The following HERC3 variants were observed in gnomAD, a reference collection of about 807,000 sequenced individuals.
HERC3 encodes the protein probable E3 ubiquitin-protein ligase HERC3.
HERC3 carries 58 observed loss-of-function variants against 129.9 expected under a neutral mutation model. That is an observed-to-expected ratio of 0.45 (90% CI 0.36 to 0.56). The LOEUF (loss-of-function observed/expected upper bound fraction) is 0.56. HERC3 is among the 20% of genes least tolerant of loss of function. HERC3 has a pLI of 0.00. For missense variants in HERC3, 835 were observed against 1,244.2 expected, an observed-to-expected ratio of 0.67 and a Z score of 4.95; for synonymous variants, 430 against 451.0, an observed-to-expected ratio of 0.95 and a Z score of 0.59.
chr4:88,706,599 T>G (rs575424921), intron 25 of HERC3, among the ~76,000 whole-genome samples, 153 bp from the exon 26 acceptor site: 1 of 152,144 alleles, frequency 6.6e-6, no homozygotes, highest in Non-Finnish European at 1.5e-5. Context: ...GCATCTAATT[T>G]TCATTCCACA....
chr4:88,690,403 TATGTAGATAC>T (rs1733955106), intron 23 of HERC3: 1 of 985,322 alleles, frequency 1.0e-6, no homozygotes, highest in Non-Finnish European at 1.2e-6. Flanking sequence ...TGTGAGTACG[TATGTAGATAC>T]ATACGTAACC....
chr4:88,568,166 A>C, the HERC3 span, among the ~76,000 whole-genome samples: 1 of 152,216 alleles, frequency 6.6e-6, no homozygotes, highest in Non-Finnish European at 1.5e-5. Context: ...GCGCAGGCTG[A>C]AGCTGAAGTG....
In HERC3 at chr4:88,669,845, T is replaced by C; in HGVS notation, c.1634-15T>C. On this transcript the variant is annotated splice_polypyrimidine_tract_variant and intron_variant, in intron 14 of 25. Transcript: ENST00000402738. ...AGATTACATGTTGAAATATGTCTTTTCTTTCTTTCTAAAGATAACTGGTGG... is the reference window on the plus strand; with the variant it reads ...AGATTACATGTTGAAATATGTCTTTCCTTTCTTTCTAAAGATAACTGGTGG... The C allele has an allele frequency of 3.1e-6, 5 of 1,605,404 alleles. No individual in the cohort carries two copies. Among genetic ancestry groups the C allele is most frequent in the Non-Finnish European group, 4.3e-6 (5 of 1,174,082 alleles).
the HERC3 span, among the ~76,000 whole-genome samples, chr4:88,530,513 T>G: frequency 1.3e-5 from 2 of 152,228 alleles, no homozygotes; most frequent in African/African-American, 4.8e-5. Flanking sequence ...ATAGGTCTTA[T>G]AGCCGTAAGA....
chr4:88,591,460 G>C (rs1000392777), upstream of HERC3, among the ~76,000 whole-genome samples: 3 of 152,156 alleles, frequency 2.0e-5, no homozygotes, highest in Admixed American at 1.3e-4. Context: ...GAGGTGATTT[G>C]AATGTCCTTG....
chr4:88,652,233 A>G, intron 5 of HERC3, 145 bp downstream of exon 5: 2 of 648,122 alleles, frequency 3.1e-6, no homozygotes, highest in South Asian at 1.8e-5. Context: ...CAATTCTCAT[A>G]TGGGCTTTGC....
At chr4:88,672,403 G>C (rs946643202) in intron 16 of HERC3, among the ~76,000 whole-genome samples, 11 of 151,952 alleles carry the variant, frequency 7.2e-5, no homozygotes, top group African/African-American at 2.7e-4. Flanking sequence ...ATTAGTATAT[G>C]GCCTTTTGTG....
At chr4:88,567,329 C>G in the HERC3 span, among the ~76,000 whole-genome samples, 2 of 152,122 alleles carry the variant, frequency 1.3e-5, no homozygotes, top group African/African-American at 4.8e-5. Context: ...ATATCTTTCT[C>G]TAGGTTTGGA....
chr4:88,670,153 G>T lies in HERC3; in HGVS notation c.1812G>T (p.Val604=). 1 of 1,612,698 alleles carries T rather than the reference G, an allele frequency of 6.2e-7. No homozygotes were observed. Among genetic ancestry groups the T allele is most frequent in the African/African-American group, 1.3e-5 (1 of 74,986 alleles). The change falls in exon 16 of 26, where the codon GTG becomes GTT. Residue 604 remains valine, a synonymous_variant. Coordinates refer to ENST00000402738, the MANE Select transcript of HERC3 (RefSeq NM_014606.3). ...LEKLYKVNLK[V]KHVEYDTFYI... ...TTCTTCATTAGGTAAATCTTAAAGT[G>T]AAGCATGTGGAATATGATACATTTT...
At chr4:88,545,433 T>TTC in the HERC3 span, among the ~76,000 whole-genome samples, 1 of 108,970 alleles carries the variant, frequency 9.2e-6, no homozygotes, top group South Asian at 2.8e-4. Context: ...GAGAATTCTT[T>TTC]TTTTTTTTTT....
At chr4:88,701,763 G>GTT (rs1735339847) in intron 23 of HERC3, among the ~76,000 whole-genome samples, 1 of 145,946 alleles carries the variant, frequency 6.9e-6, no homozygotes, top group African/African-American at 2.5e-5. Context: ...TTTTTTTTAT[G>GTT]TTTTTATACT....
chr4:88,691,611 A>G (rs910003986), intron 23 of HERC3, among the ~76,000 whole-genome samples: 5 of 152,178 alleles, frequency 3.3e-5, no homozygotes, highest in Admixed American at 6.5e-5. Flanking sequence ...ACTCTTTACT[A>G]TAGCTGTTTT....
At chr4:88,554,240 G>A in the HERC3 span, among the ~76,000 whole-genome samples, 1 of 151,738 alleles carries the variant, frequency 6.6e-6, no homozygotes, top group Non-Finnish European at 1.5e-5. Flanking sequence ...CAGCTACTTG[G>A]GAGTCTGAGA....
chr4:88,654,293 A>G (rs1729604893), intron 7 of HERC3, among the ~76,000 whole-genome samples, 160 bp downstream of exon 7: 1 of 149,060 alleles, frequency 6.7e-6, no homozygotes, highest in African/African-American at 2.5e-5. Context: ...AGGAATAGAA[A>G]AAGACTACTT....
At chr4:88,531,132 A>T in the HERC3 span, among the ~76,000 whole-genome samples, 1 of 152,206 alleles carries the variant, frequency 6.6e-6, no homozygotes, top group African/African-American at 2.4e-5. Context: ...TGCTGGGATT[A>T]TAGGCGTGAC....
chr4:88,674,137 G>C (rs1413460904), intron 16 of HERC3, among the ~76,000 whole-genome samples: 1 of 152,166 alleles, frequency 6.6e-6, no homozygotes, highest in Non-Finnish European at 1.5e-5. Flanking sequence ...CTTCACCTCT[G>C]GGGTGTGGGA....
chr4:88,571,081 G>T, the HERC3 span, among the ~76,000 whole-genome samples: 2 of 151,894 alleles, frequency 1.3e-5, no homozygotes, highest in Non-Finnish European at 2.9e-5. Flanking sequence ...TTTTAGAGAT[G>T]GGGTCTCACT....
At chr4:88,698,341 C>G (rs1734895022) in intron 23 of HERC3, among the ~76,000 whole-genome samples, 1 of 152,036 alleles carries the variant, frequency 6.6e-6, no homozygotes, top group South Asian at 2.1e-4. Context: ...GCTTGCATAT[C>G]CAAGCTCTGT....
Position 88,649,924 on chromosome 4 carries a change from A to G in HERC3, c.311A>G (p.Gln104Arg). ...SHSLALSDRG[Q>R]LFSWGAGSDG... is the part of the protein sequence containing the mutation. ...AGTCTGGCCCTCAGTGACCGAGGCC[A>G]GCTGTTTTCTTGGGGTGCAGGGAGT... The change falls in exon 4 of 26, where the codon CAG (glutamine) becomes CGG (arginine). Residue 104 changes from glutamine (Q) to arginine (R), a missense_variant. Transcript: ENST00000402738. The G allele has an allele frequency of 6.2e-7, 1 of 1,614,096 alleles. No homozygotes were observed. The highest frequency in any genetic ancestry group is 1.1e-5 in the South Asian group (1 of 91,086).
Sources: gnomAD v4.1 joint callset for allele counts (sites outside exome capture counted in the v4.1 genomes callset) on GRCh38, gnomAD v4.1.1 for gene constraint, MANE v1.5 for transcripts, NCBI Gene and HGNC (gene_info 2026-07-23, HGNC 2026-07-21) for gene names.